The following SPATA2 variants were observed in gnomAD, a reference collection of about 807,000 sequenced individuals.
SPATA2 encodes spermatogenesis associated 2.
A neutral mutation model predicts 35.4 loss-of-function variants in SPATA2; 8 were observed. The ratio of observed to expected loss-of-function variants is 0.23; its 90% confidence interval spans 0.13 to 0.41. The LOEUF (loss-of-function observed/expected upper bound fraction) is 0.41. Among genes scored for constraint, SPATA2 ranks in the 10% least tolerant of loss-of-function variants. SPATA2 has a pLI of 1.00. For missense variants in SPATA2, 650 were observed against 698.7 expected, an observed-to-expected ratio of 0.93 and a Z score of 0.79; for synonymous variants, 293 against 300.9, an observed-to-expected ratio of 0.97 and a Z score of 0.27.
At position 49,905,562 on chromosome 20, in the gene SPATA2, G is replaced by A. The variant is rs1038849777; in HGVS notation, c.*57C>T. 139 of 1,581,320 alleles carry A rather than the reference G, an allele frequency of 8.8e-5. No individual in the cohort carries two copies. The South Asian group carries it at 1.2e-3, about 13-fold the overall frequency. ...ATCAATGCGTTAGTACTTCTTCACC[G>A]TGAAACCCGAAAGGTCGGTTGATGT... On this transcript the variant is annotated 3_prime_UTR_variant, in exon 3 of 3. Coordinates refer to ENST00000289431, the MANE Select transcript of SPATA2 (RefSeq NM_006038.4).
At position 49,904,078 on chromosome 20, in the gene SPATA2, T is replaced by C. The variant is rs954450708; in HGVS notation, c.*1541A>G. On this transcript the variant is annotated 3_prime_UTR_variant, in exon 3 of 3. Transcript: ENST00000289431. ...TAAACTTGCTCAAGAGCTGAATAAC[T>C]TTCTCCCAGAAAAGCCCACTGCATA... 6.6e-6 allele frequency: 1 copy of C among 152,340 alleles called. No individual in the cohort carries two copies. Among genetic ancestry groups the C allele is most frequent in the African/African-American group, 2.4e-5 (1 of 41,324 alleles). 9.4% of individuals were successfully genotyped at this position (152,340 alleles called of 1,614,324 possible).
chr20:49,908,103 G>A, intron 2 of SPATA2, 52 bp downstream of exon 2: 13 of 1,520,610 alleles, frequency 8.5e-6, no homozygotes, highest in Non-Finnish European at 1.2e-5. Flanking sequence ...GGGACTGCCA[G>A]GGGCAGGAAG....
chr20:49,909,229 G>A (rs1248937381), intron 1 of SPATA2, among the ~76,000 whole-genome samples: 2 of 152,004 alleles, frequency 1.3e-5, no homozygotes, highest in Non-Finnish European at 2.9e-5. Context: ...CACCATGTTG[G>A]CCAGGCTGGT....
At position 49,905,622 on chromosome 20, in the gene SPATA2, T is replaced by G; in HGVS notation, c.1560A>C (p.Arg520Ser). The G allele has an allele frequency of 6.2e-7, 1 of 1,614,102 alleles. No individual in the cohort carries two copies. The highest frequency in any genetic ancestry group is 8.5e-7 in the Non-Finnish European group (1 of 1,179,918). The change falls in exon 3 of 3, where the codon AGA becomes AGC. Residue 520 changes from arginine (R) to serine (S), a missense_variant. Transcript: ENST00000289431. ...AGCTGGAAGGGGCGAGGCCGGTCTA[T>G]CTGTACACGAGATGGGAGAGCTGGG... Reference protein sequence around the residue: ...KSTQLSHLVYR With the variant: ...KSTQLSHLVYS
At chr20:49,909,859 A>G (rs935635479) in intron 1 of SPATA2, among the ~76,000 whole-genome samples, 8 of 152,254 alleles carry the variant, frequency 5.3e-5, no homozygotes, top group Non-Finnish European at 1.0e-4. Context: ...AAGAGTTTAC[A>G]GCGAGGGGAG....
intron 2 of SPATA2, 72 bp downstream of exon 2, chr20:49,908,083 C>T (rs919000484): frequency 8.7e-5 from 124 of 1,422,886 alleles, no homozygotes; most frequent in Non-Finnish European, 9.0e-5. Flanking sequence ...ACTGGCATAG[C>T]CTCTCAGGAG....
At position 49,905,340 on chromosome 20, in the gene SPATA2, C is replaced by T; in HGVS notation, c.*279G>A. 4.4e-6 allele frequency: 2 copies of T among 450,228 alleles called. No homozygotes were observed. Among genetic ancestry groups the T allele is most frequent in the Non-Finnish European group, 7.9e-6 (2 of 253,562 alleles). 27.9% of individuals were successfully genotyped at this position (450,228 alleles called of 1,614,324 possible). A position where few individuals can be genotyped will look rare whatever the true frequency, so the allele number is the denominator to read the frequency against. On this transcript the variant is annotated 3_prime_UTR_variant, in exon 3 of 3. Transcript: ENST00000289431. ...AACAAAACAAAACAAAACAAAACCCCAAAAAAAGAACCAACTGAACAGGGA... is the reference window on the plus strand; with the variant it reads ...AACAAAACAAAACAAAACAAAACCCTAAAAAAAGAACCAACTGAACAGGGA...
intron 1 of SPATA2, among the ~76,000 whole-genome samples, chr20:49,911,775 C>G (rs1051395168): frequency 6.6e-6 from 1 of 152,162 alleles, no homozygotes; most frequent in Non-Finnish European, 1.5e-5. Context: ...TGGTACCTCC[C>G]AAGAATCCTG....
chr20:49,912,685 T>C (rs545044718), intron 1 of SPATA2, among the ~76,000 whole-genome samples: 8 of 152,260 alleles, frequency 5.3e-5, no homozygotes, highest in Non-Finnish European at 1.2e-4. Flanking sequence ...AGTCTCAAGC[T>C]CGGCTCAGCG....
rs1433169881 is a variant in SPATA2 at position 49,911,601 on chromosome 20, A to G, written c.-102-3009T>C. Reference sequence around the variant, plus strand: ...AGAATTGCTAGAACCCAGGAGGCGGAGGCTGCAGTGAGCCGAGATCGCCCC... The same window carrying G: ...AGAATTGCTAGAACCCAGGAGGCGGGGGCTGCAGTGAGCCGAGATCGCCCC... On this transcript the variant is annotated intron_variant, in intron 1 of 2. Transcript: ENST00000289431. 2.0e-5 allele frequency among the ~76,000 whole-genome samples: 3 copies of G among 151,716 alleles called. No homozygotes were observed. In the East Asian group the frequency reaches 5.8e-4, roughly 29 times the overall value.
intron 1 of SPATA2, among the ~76,000 whole-genome samples, chr20:49,910,308 G>C (rs1051065203): frequency 5.9e-5 from 9 of 152,188 alleles, no homozygotes; most frequent in Non-Finnish European, 1.3e-4. Flanking sequence ...TAGCGCCTCT[G>C]TCCAGAGCTG....
Position 49,906,909 on chromosome 20 carries a change from T to G in SPATA2, c.337-64A>C. 6.5e-7 allele frequency: 1 copy of G among 1,532,516 alleles called. No individual in the cohort carries two copies. Among genetic ancestry groups the G allele is most frequent in the South Asian group, 1.3e-5 (1 of 78,974 alleles). The allele number at this position is 1,532,516 out of a possible 1,614,324, so 94.9% of individuals were successfully genotyped here. ...TGTCAGAGACACAAGACAGAGACTA[T>G]GTCAAAGCAAAGGATGTCCAGCTCT... On this transcript the variant is annotated intron_variant, in intron 2 of 2. Transcript: ENST00000289431. This position sits in a 1 kb window ranked among gnomAD's most constrained non-coding sequence, Gnocchi z 8.2.
intron 1 of SPATA2, chr20:49,913,750 G>T (rs187525971): frequency 1.3e-5 from 2 of 152,326 alleles, no homozygotes; most frequent in African/African-American, 4.8e-5. Context: ...AAGGGCCAAG[G>T]AAAGAGGCTG....
intron 2 of SPATA2, among the ~76,000 whole-genome samples, chr20:49,907,092 G>A (rs1003259814): frequency 2.6e-5 from 4 of 152,182 alleles, no homozygotes; most frequent in Admixed American, 6.5e-5. Flanking sequence ...ACGGAGTCTC[G>A]CTCTTTTGCC....
rs1568905618 is a variant in SPATA2 at position 49,905,768 on chromosome 20, A to G, written c.1414T>C (p.Cys472Arg). The G allele has an allele frequency of 7.4e-6, 12 of 1,614,088 alleles. No individual in the cohort carries two copies. The highest frequency in any genetic ancestry group is 1.0e-5 in the Non-Finnish European group (12 of 1,180,026). ...FCNRPGATNT[C>R]TQCSKVSCDA... ...CATGAGACTTTTGAACACTGGGTGC[A>G]GGTGTTGGTGGCGCCTGGGCGGTTG... Residue 472 changes from cysteine (C) to arginine (R), a missense_variant, in exon 3 of 3, where the codon TGC (cysteine) becomes CGC (arginine). Transcript: ENST00000289431.
Position 49,906,808 on chromosome 20 carries a change from G to A in SPATA2, c.374C>T (p.Thr125Ile), listed in dbSNP as rs2090148318. 1 of 1,612,688 alleles carries A rather than the reference G, an allele frequency of 6.2e-7. No individual in the cohort carries two copies. The highest frequency in any genetic ancestry group is 1.3e-5 in the African/African-American group (1 of 74,892). Residue 125 changes from threonine to isoleucine, a missense_variant, in exon 3 of 3, where the codon ACA becomes ATA. Thr to Ile is a moderately conservative substitution (Grantham distance 89, BLOSUM62 -1). Transcript: ENST00000289431. The surrounding 1 kb of genome is among the most constrained non-coding windows in gnomAD (Gnocchi z 8.2). ...GGCTCGGATGTCCTCTTCCAGTAAT[G>A]TCGACTTGACATAATAAACAAAAGG... ...TGPFVYYVKS[T>I]LLEEDIRAIL...
chr20:49,914,872 G>T (rs1415480129), intron 1 of SPATA2, among the ~76,000 whole-genome samples: 1 of 152,180 alleles, frequency 6.6e-6, no homozygotes, highest in Non-Finnish European at 1.5e-5. Context: ...GAAGTAACAG[G>T]AACTATCACT....
chr20:49,910,827 GAC>G (rs573787950), intron 1 of SPATA2, among the ~76,000 whole-genome samples: 308 of 152,322 alleles, frequency 2.0e-3, no homozygotes, highest in African/African-American at 7.1e-3. Flanking sequence ...CAAAACTAGG[GAC>G]ACAGAGAGGC....
At chr20:49,910,218 G>A (rs1459611093) in intron 1 of SPATA2, among the ~76,000 whole-genome samples, 1 of 152,200 alleles carries the variant, frequency 6.6e-6, no homozygotes, top group Non-Finnish European at 1.5e-5. Context: ...AGTGAGGCCA[G>A]GGCTGCTTCT....
Sources: allele counts gnomAD v4.1 joint callset (sites outside exome capture counted in the v4.1 genomes callset), GRCh38; gene constraint gnomAD v4.1.1; non-coding constraint Gnocchi (gnomAD v3.1); transcripts MANE v1.5; gene names NCBI Gene and HGNC (gene_info 2026-07-23, HGNC 2026-07-21).